The following CDK11A variants were observed in gnomAD, a reference collection of about 807,000 sequenced individuals.
CDK11A encodes cyclin-dependent kinase 11A.
CDK11A carries 55 observed loss-of-function variants against 83.6 expected under a neutral mutation model. The ratio of observed to expected loss-of-function variants is 0.66; its 90% CI spans 0.53 to 0.82. The LOEUF (loss-of-function observed/expected upper bound fraction) is 0.82, where lower values mean the gene tolerates loss of function less well. Among genes scored for constraint, CDK11A ranks in the 40% least tolerant of loss-of-function variants. The probability of loss-of-function intolerance (pLI) is 0.00; values close to 1 mark genes in which losing one functional copy is unlikely to be tolerated. For synonymous variants in CDK11A, 247 were observed against 302.7 expected, an observed-to-expected ratio of 0.82 and a Z score of 1.91; for missense variants, 564 against 810.1, an observed-to-expected ratio of 0.70 and a Z score of 3.69.
chr1:1,718,233 T>C lies in CDK11A; in HGVS notation c.355+1095A>G, dbSNP rs549483019. Among the ~76,000 whole-genome samples, 72 of 147,344 alleles carry C rather than the reference T, an allele frequency of 4.9e-4. 4 individuals are homozygous for C. The highest frequency in any genetic ancestry group is 2.4e-3 in the Admixed American group (35 of 14,740). The stretch of plus-strand genomic sequence containing the variant: ...CTCTATAGCCCTTCTGAATGGTCTG[T>C]GACACACGCATGCTTTCAGGTGGAG... On this transcript the variant is annotated intron_variant, in intron 4 of 19. Coordinates refer to ENST00000404249, the MANE Select transcript of CDK11A (RefSeq NM_024011.4).
intron 4 of CDK11A, among the ~76,000 whole-genome samples, chr1:1,716,703 AC>A (rs36081479): frequency 1.3e-5 from 2 of 149,328 alleles, no homozygotes; most frequent in Non-Finnish European, 3.0e-5. Flanking sequence ...AATCCCAGGT[AC>A]TAAGGGAGGC....
rs769051886 is a variant in CDK11A, at chr1:1,704,927, G to A, written c.1435C>T (p.His479Tyr). ...ACTCTAACGGTGACAATGTTGGGAT[G>A]CTGGGCCTTGAGGATGGTGTTGATC... Reference protein sequence around the residue: ...REINTILKAQHPNIVTVREIV... With the variant: ...REINTILKAQYPNIVTVREIV... The change falls in exon 13 of 20, where the codon CAT (histidine) becomes TAT (tyrosine). Residue 479 changes from histidine to tyrosine, a missense_variant. His to Tyr is a moderately conservative substitution (Grantham distance 83). Around this residue, in one of 5 missense-constraint regions of CDK11A, gnomAD observed 361 missense variants for 402.7 expected, o/e 0.90. Transcript: ENST00000404249. 1 of 1,595,058 alleles carries A rather than the reference G, an allele frequency of 6.3e-7. No homozygotes were observed. The highest frequency in any genetic ancestry group is 1.7e-5 in the Admixed American group (1 of 59,262).
rs1044697719 is a variant in CDK11A, at chr1:1,706,844, C to A, written c.1245+565G>T. 2.0e-5 allele frequency among the ~76,000 whole-genome samples: 3 copies of A among 150,178 alleles called. 1 individual carries two copies. Among genetic ancestry groups the A allele is most frequent in the Admixed American group, 1.3e-4 (2 of 15,110 alleles). ...CAGAGAGAACCTCTCCGCCCACAGG[C>A]ACCAAGGAGGGGGCCGAGTCCCTGC... On this transcript the variant is annotated intron_variant, in intron 11 of 19. Coordinates refer to ENST00000404249, the MANE Select transcript of CDK11A (RefSeq NM_024011.4).
intron 13 of CDK11A, 23 bp from the exon 14 acceptor site, chr1:1,704,678 T>C: frequency 6.3e-7 from 1 of 1,595,744 alleles, no homozygotes; most frequent in Non-Finnish European, 8.5e-7. Context: ...GCTCTGTGGG[T>C]GCTGGGCACC....
rs760857763 is a variant in CDK11A at position 1,721,691 on chromosome 1, C to T, written c.132G>A (p.Lys44=). 9 of 1,588,522 alleles carry T rather than the reference C, an allele frequency of 5.7e-6. No homozygotes were observed. In the South Asian group the frequency reaches 1.0e-4, roughly 18 times the overall value. Residue 44 remains lysine (K), a synonymous_variant, in exon 3 of 20, where the codon AAG becomes AAA. Coordinates refer to ENST00000404249, the MANE Select transcript of CDK11A (RefSeq NM_024011.4). ...GCTCCCCCTCCTCAAGGGAATCCCGCTTGGAATCCCGGTCATCAGACTAAG... is the reference window on the plus strand; with the variant it reads ...GCTCCCCCTCCTCAAGGGAATCCCGTTTGGAATCCCGGTCATCAGACTAAG... ...RLKNSDDRDS[K]RDSLEEGELR... is the part of the protein sequence containing the mutation.
At chr1:1,719,695 A>G (rs1644830870) in intron 3 of CDK11A, among the ~76,000 whole-genome samples, 1 of 133,930 alleles carries the variant, frequency 7.5e-6, no homozygotes, top group African/African-American at 2.9e-5. Flanking sequence ...GGATCACTGC[A>G]ACCTCCACCT....
intron 4 of CDK11A, among the ~76,000 whole-genome samples, chr1:1,718,081 C>T (rs372603026): frequency 2.7e-5 from 4 of 146,364 alleles, no homozygotes; most frequent in South Asian, 2.2e-4. Flanking sequence ...CTGTGACACA[C>T]GCACGCTTTC....
rs533383547 is a variant in CDK11A at position 1,706,007 on chromosome 1, G to T, written c.1246-275C>A. On this transcript the variant is annotated intron_variant, in intron 11 of 19. Coordinates refer to ENST00000404249, the MANE Select transcript of CDK11A (RefSeq NM_024011.4). ...CCTGTAATTCCAGCACTTTGGGAGG[G>T]CAAGGCAGGAGGATTGCTTGAGCCC... Among the ~76,000 whole-genome samples the T allele has an allele frequency of 7.6e-4, 114 of 150,818 alleles. 2 individuals are homozygous for T. Among genetic ancestry groups the T allele is most frequent in the Non-Finnish European group, 1.4e-3 (94 of 67,568 alleles).
rs765895846 is a variant in CDK11A, at chr1:1,704,087, G to C, written c.1746C>G (p.Val582=). 6.3e-7 allele frequency: 1 copy of C among 1,598,724 alleles called. No individual in the cohort carries two copies. Among genetic ancestry groups the C allele is most frequent in the African/African-American group, 1.3e-5 (1 of 74,460 alleles). The change falls in exon 16 of 20, where the codon GTC becomes GTG. Residue 582 remains valine, a synonymous_variant. Coordinates refer to ENST00000404249, the MANE Select transcript of CDK11A (RefSeq NM_024011.4). ...YGSPLKAYTP[V]VVTQWYRAPE... is the part of the protein sequence containing the mutation. ...GGGCGCGGTACCACTGGGTCACCAC[G>C]ACCGGGGTGTAGGCCTTCAGAGGGG... is the stretch of plus-strand genomic sequence containing the variant.
Position 1,703,533 on chromosome 1 carries a change from T to C in CDK11A, c.2003A>G (p.Asn668Ser). The change falls in exon 18 of 20, where the codon AAC becomes AGC. Residue 668 changes from asparagine (N) to serine (S), a missense_variant. By Grantham distance (46) the Asn-to-Ser change is conservative. This residue lies in a region of CDK11A where 361 missense variants were observed against 402.7 expected (regional missense o/e 0.90). Transcript: ENST00000404249. ...CAGAGCCCCGAAGCGCTTGCGGAGG[T>C]TGTTGTAGGGGTGCTCGCTGAAGGT... is the stretch of plus-strand genomic sequence containing the variant. ...KMTFSEHPYN[N>S]LRKRFGALLS... The C allele has an allele frequency of 1.9e-6, 3 of 1,561,142 alleles. No homozygotes were observed. Among genetic ancestry groups the C allele is most frequent in the Non-Finnish European group, 2.6e-6 (3 of 1,164,404 alleles).
At chr1:1,721,353 C>A (rs909911092) in intron 3 of CDK11A, among the ~76,000 whole-genome samples, 7 of 150,436 alleles carry the variant, frequency 4.7e-5, no homozygotes, top group African/African-American at 1.7e-4. Flanking sequence ...CAGCACACCC[C>A]GTCACAGTAG....
chr1:1,707,716 TC>T (rs1644372097), intron 10 of CDK11A, 132 bp from the exon 11 acceptor site: 1 of 892,848 alleles, frequency 1.1e-6, no homozygotes, highest in Non-Finnish European at 1.6e-6. Flanking sequence ...TGGGCTCTCG[TC>T]CCCTGGACAC....
chr1:1,716,477 C>A lies in CDK11A; in HGVS notation c.357G>T (p.Gly119=). ...CTCTTTCTTTCACTCTAGCATGCTT[C>A]CCTAATGAGAAATAAAGTGTCATGC... ...CRHHSHSAEG[G]KHARVKEREH... Residue 119 remains glycine, a splice_region_variant and synonymous_variant, in exon 5 of 20, where the codon GGG becomes GGT. Coordinates refer to ENST00000404249, the MANE Select transcript of CDK11A (RefSeq NM_024011.4). 6.2e-7 allele frequency: 1 copy of A among 1,607,710 alleles called. No homozygotes were observed. Among genetic ancestry groups the A allele is most frequent in the Non-Finnish European group, 8.5e-7 (1 of 1,175,988 alleles).
rs1283739618 is a variant in CDK11A at position 1,716,718 on chromosome 1, G to A, written c.356-240C>T. ...AATCCCAGGTACTAAGGGAGGCTGA[G>A]GCTGTAGAATCACTTGAACCTGGGA... On this transcript the variant is annotated intron_variant, in intron 4 of 19. Coordinates refer to ENST00000404249, the MANE Select transcript of CDK11A (RefSeq NM_024011.4). Among the ~76,000 whole-genome samples, 3 of 147,148 alleles carry A rather than the reference G, an allele frequency of 2.0e-5. 1 individual carries two copies. The highest frequency in any genetic ancestry group is 4.5e-5 in the Non-Finnish European group (3 of 67,112).
chr1:1,704,668 G>A lies in CDK11A; in HGVS notation c.1459-13C>T, dbSNP rs533316068. 4 of 1,595,908 alleles carry A rather than the reference G, an allele frequency of 2.5e-6. No individual in the cohort carries two copies. The highest frequency in any genetic ancestry group is 2.3e-5 in the East Asian group (1 of 44,192). On this transcript the variant is annotated splice_polypyrimidine_tract_variant and intron_variant, in intron 13 of 19. Transcript: ENST00000404249. ...CCACCACAATCTCCTGCAGGGCACG[G>A]CTCTGTGGGTGCTGGGCACCTCCAG... is the stretch of plus-strand genomic sequence containing the variant.
chr1:1,711,017 T>G (rs1289849929), intron 6 of CDK11A, among the ~76,000 whole-genome samples: 1 of 38,520 alleles, frequency 2.6e-5, no homozygotes, highest in Non-Finnish European at 8.4e-5. Flanking sequence ...AACAGATCTG[T>G]GGGAGCCCAG....
At chr1:1,722,207 T>C (rs572003471) in intron 2 of CDK11A, among the ~76,000 whole-genome samples, 3 of 151,350 alleles carry the variant, frequency 2.0e-5, no homozygotes, top group African/African-American at 7.3e-5. Context: ...TCAATATCTG[T>C]GAAGCATAAT....
At chr1:1,712,762 TG>T (rs1251408642) in intron 5 of CDK11A, among the ~76,000 whole-genome samples, 1 of 36,356 alleles carries the variant, frequency 2.8e-5, no homozygotes, top group Non-Finnish European at 1.3e-4. Flanking sequence ...GTGATCCGCC[TG>T]CCTCCGCTTT....
chr1:1,703,076 T>G lies in CDK11A; in HGVS notation c.2250+4A>C. ...GGGCACGCCCCACCCGCCAGGCCCC[T>G]CACCAGCTGGCTGTAGCCCAGGCCT... On this transcript the variant is annotated splice_donor_region_variant and intron_variant, in intron 19 of 19. Coordinates refer to ENST00000404249, the MANE Select transcript of CDK11A (RefSeq NM_024011.4). The G allele has an allele frequency of 2.5e-6, 1 of 397,200 alleles. No homozygotes were observed. Among genetic ancestry groups the G allele is most frequent in the Non-Finnish European group, 4.3e-6 (1 of 233,180 alleles). 24.6% of individuals were successfully genotyped at this position (397,200 alleles called of 1,614,324 possible).
Sources: allele counts gnomAD v4.1 joint callset (sites outside exome capture counted in the v4.1 genomes callset), GRCh38; gene constraint gnomAD v4.1.1; regional missense constraint gnomAD v4.1.1; transcripts MANE v1.5; gene names NCBI Gene and HGNC (gene_info 2026-07-23, HGNC 2026-07-21).